Variants in OTUD7A observed in about 807,000 individuals in gnomAD.
OTUD7A encodes the protein OTU domain-containing protein 7A.
Under a neutral mutation model 65.7 loss-of-function variants are expected in OTUD7A, and 12 were observed. That is an observed-to-expected ratio of 0.18 (90% CI 0.12 to 0.30). The LOEUF is 0.30. OTUD7A is among the 10% of genes least tolerant of loss of function. The pLI is 1.00. For missense variants in OTUD7A, 1,148 were observed against 1,304.8 expected (o/e 0.88, Z 1.85); for synonymous variants, 641 against 586.3 (o/e 1.09, Z -1.35).
chr15:31,594,748 G>A (rs138151585), intron 3 of OTUD7A, among the ~76,000 whole-genome samples: 26 of 152,312 alleles, frequency 1.7e-4, no homozygotes, highest in African/African-American at 5.5e-4. Context: ...TGCCTGCCCC[G>A]CTCTTCCCAG....
chr15:31,494,585 G>A (rs1416742752), intron 10 of OTUD7A, among the ~76,000 whole-genome samples: 8 of 152,252 alleles, frequency 5.3e-5, no homozygotes, highest in Admixed American at 5.2e-4. Flanking sequence ...GGCTGAGAGA[G>A]CGTTCAGCAT....
intron 1 of OTUD7A, among the ~76,000 whole-genome samples, chr15:31,832,436 T>TA (rs773084911): frequency 2.6e-5 from 4 of 151,422 alleles, no homozygotes; most frequent in African/African-American, 4.8e-5. Context: ...ATTGATACTT[T>TA]AAAAAAAAAT....
chr15:31,836,086 C>T (rs1265806464), intron 1 of OTUD7A, among the ~76,000 whole-genome samples: 2 of 151,872 alleles, frequency 1.3e-5, no homozygotes, highest in African/African-American at 4.8e-5. Flanking sequence ...GTTGAGGAGA[C>T]TAACTCAATA....
rs2041136898 is a variant in OTUD7A at position 31,482,340 on chromosome 15, G to A, written c.*954C>T. On this transcript the variant is annotated 3_prime_UTR_variant, in exon 13 of 13. Coordinates refer to ENST00000307050, the MANE Select transcript of OTUD7A (RefSeq NM_001382637.1). ...TCCCTTTGGAAAGAGCAGCAGCCTA[G>A]TGGGGGCTTACACAGTGACCAAAGG... 1.3e-5 allele frequency: 2 copies of A among 152,386 alleles called. No individual in the cohort carries two copies. The highest frequency in any genetic ancestry group is 1.3e-4 in the Admixed American group (2 of 15,294). The allele number at this position is 152,386 out of a possible 1,614,324, so 9.4% of individuals were successfully genotyped here. A position where few individuals can be genotyped will look rare whatever the true frequency, so the allele number is the denominator to read the frequency against.
chr15:31,583,699 G>T (rs1889443068), intron 3 of OTUD7A, among the ~76,000 whole-genome samples: 1 of 151,884 alleles, frequency 6.6e-6, no homozygotes, highest in Non-Finnish European at 1.5e-5. Flanking sequence ...GTGGAACTGT[G>T]AGTCCATTAA....
intron 3 of OTUD7A, among the ~76,000 whole-genome samples, chr15:31,617,581 T>C (rs1447910554): frequency 6.6e-6 from 1 of 152,112 alleles, no homozygotes. Flanking sequence ...TACACAGGAA[T>C]ATATACTGCA....
At chr15:31,583,513 G>A (rs1348496713) in intron 3 of OTUD7A, among the ~76,000 whole-genome samples, 1 of 152,008 alleles carries the variant, frequency 6.6e-6, no homozygotes, top group Non-Finnish European at 1.5e-5. Flanking sequence ...GGAGACAATT[G>A]AATCATGGGG....
At chr15:31,840,581 T>C (rs1385479736) in intron 1 of OTUD7A, among the ~76,000 whole-genome samples, 2 of 152,244 alleles carry the variant, frequency 1.3e-5, no homozygotes, top group Non-Finnish European at 2.9e-5. Context: ...ATGTTACATA[T>C]AGCATGAAGT....
intron 8 of OTUD7A, among the ~76,000 whole-genome samples, chr15:31,514,304 G>C (rs536682661): frequency 3.3e-4 from 50 of 152,162 alleles, no homozygotes; most frequent in African/African-American, 1.2e-3. Context: ...TTCTGTCTCA[G>C]CCTCCCAAAG....
chr15:31,590,870 G>A (rs1403316049), intron 3 of OTUD7A, among the ~76,000 whole-genome samples: 1 of 152,204 alleles, frequency 6.6e-6, no homozygotes, highest in Non-Finnish European at 1.5e-5. Context: ...TGTGGCCATG[G>A]ATTCACTGAG....
At chr15:31,683,082 A>G (rs1361238359) in intron 1 of OTUD7A, among the ~76,000 whole-genome samples, 2 of 152,340 alleles carry the variant, frequency 1.3e-5, no homozygotes, top group East Asian at 3.9e-4. Flanking sequence ...CCATTAAGAA[A>G]AAATAATTTA....
chr15:31,791,306 T>C (rs1393723186), intron 1 of OTUD7A, among the ~76,000 whole-genome samples: 4 of 152,224 alleles, frequency 2.6e-5, no homozygotes, highest in Non-Finnish European at 5.9e-5. Flanking sequence ...ATTACAGGCA[T>C]AAGCTAACGC....
rs748801656 is a variant in OTUD7A, at chr15:31,487,550, C to A, written c.1188G>T (p.Thr396=). The change falls in exon 11 of 13, where the codon ACG becomes ACT. Residue 396 remains threonine (T), a synonymous_variant. Transcript: ENST00000307050. This position sits in a 1 kb window ranked among gnomAD's most constrained non-coding sequence, Gnocchi z 6.0. ...QQREQAVIPL[T]DSEHKLLPLH... ...GAGGCAGCAGCTTGTGCTCAGAATCCGTCAGGGGGATCACGGCTGGAACAG... is the reference window on the plus strand; with the variant it reads ...GAGGCAGCAGCTTGTGCTCAGAATCAGTCAGGGGGATCACGGCTGGAACAG... 6.2e-7 allele frequency: 1 copy of A among 1,613,720 alleles called. No homozygotes were observed. The highest frequency in any genetic ancestry group is 1.7e-5 in the Admixed American group (1 of 60,012).
chr15:31,818,039 G>A lies in OTUD7A; in HGVS notation c.-100+52468C>T, dbSNP rs186464949. 4.6e-3 allele frequency among the ~76,000 whole-genome samples: 707 copies of A among 152,190 alleles called. 3 individuals carry two copies. Among genetic ancestry groups the A allele is most frequent in the Non-Finnish European group, 7.1e-3 (484 of 68,024 alleles). ...CATGTGAGGATGTCACGTTCATCCC[G>A]TTTGCCCTTCTATCTCCCCCCAACT... is the stretch of plus-strand genomic sequence containing the variant. On this transcript the variant is annotated intron_variant, in intron 1 of 12. Transcript: ENST00000307050.
chr15:31,772,024 G>C (rs892818663), intron 1 of OTUD7A, among the ~76,000 whole-genome samples: 1 of 151,930 alleles, frequency 6.6e-6, no homozygotes, highest in East Asian at 1.9e-4. Flanking sequence ...AGGCCGAGGC[G>C]GGCGGATCAC....
At chr15:31,666,671 G>A (rs1229416561) in intron 1 of OTUD7A, among the ~76,000 whole-genome samples, 3 of 151,900 alleles carry the variant, frequency 2.0e-5, no homozygotes, top group Admixed American at 6.6e-5. Context: ...TTCTTCTGCT[G>A]GGTTTGGGTT....
intron 1 of OTUD7A, among the ~76,000 whole-genome samples, chr15:31,803,300 T>A (rs1241393100): frequency 6.6e-6 from 1 of 152,150 alleles, no homozygotes; most frequent in East Asian, 1.9e-4. Flanking sequence ...CTATATCACT[T>A]CAACAACCTT....
At chr15:31,817,590 A>G (rs918359351) in intron 1 of OTUD7A, among the ~76,000 whole-genome samples, 1 of 152,148 alleles carries the variant, frequency 6.6e-6, no homozygotes, top group African/African-American at 2.4e-5. Flanking sequence ...GAAAGTCAGG[A>G]CATGTTGGCA....
Position 31,527,318 on chromosome 15 carries a change from G to A in OTUD7A, c.653-10C>T. 6.2e-7 allele frequency: 1 copy of A among 1,613,630 alleles called. No individual in the cohort carries two copies. The highest frequency in any genetic ancestry group is 8.5e-7 in the Non-Finnish European group (1 of 1,179,758). On this transcript the variant is annotated splice_polypyrimidine_tract_variant and intron_variant, in intron 6 of 12. Transcript: ENST00000307050. The stretch of plus-strand genomic sequence containing the variant: ...TGAAACCCCCACATTCCTGGAGCCA[G>A]GAGGCCAGGGAGAACAGAGGAGAGA...
Sources: gnomAD v4.1 joint callset for allele counts (sites outside exome capture counted in the v4.1 genomes callset) on GRCh38, gnomAD v4.1.1 for gene constraint, Gnocchi (gnomAD v3.1) non-coding constraint, MANE v1.5 for transcripts, NCBI Gene and HGNC (gene_info 2026-07-23, HGNC 2026-07-21) for gene names.